The following TMEM67 variants were observed in gnomAD, a reference collection of about 807,000 sequenced individuals.
TMEM67 encodes transmembrane protein 67.
Under a neutral mutation model 136.6 loss-of-function variants are expected in TMEM67, and 124 were observed. The ratio of observed to expected loss-of-function variants is 0.91; its 90% CI spans 0.78 to 1.05. The LOEUF is 1.05. TMEM67 is among the 50% of genes least tolerant of loss of function. TMEM67 has a pLI of 0.00. For missense variants in TMEM67, 1,107 were observed against 1,178.4 expected (o/e 0.94, Z 0.89); for synonymous variants, 364 against 390.5 (o/e 0.93, Z 0.80).
intron 15 of TMEM67, among the ~76,000 whole-genome samples, chr8:93,792,886 C>T (rs1814444900): frequency 6.6e-6 from 1 of 151,716 alleles, no homozygotes; most frequent in Non-Finnish European, 1.5e-5. Context: ...CATTCTCCTG[C>T]CTCAGCCTCC....
At chr8:93,805,315 G>A (rs1815090014) in intron 23 of TMEM67, among the ~76,000 whole-genome samples, 1 of 152,092 alleles carries the variant, frequency 6.6e-6, no homozygotes, top group Admixed American at 6.5e-5. Flanking sequence ...CAGGCATGGT[G>A]GCTCACGCCT....
chr8:93,769,875 C>A (rs933846423), intron 6 of TMEM67, among the ~76,000 whole-genome samples: 1 of 152,160 alleles, frequency 6.6e-6, no homozygotes, highest in Non-Finnish European at 1.5e-5. Context: ...TTGGAAAAGT[C>A]TACTTTGAAC....
intron 23 of TMEM67, among the ~76,000 whole-genome samples, chr8:93,808,518 T>TATAGATATTTATC (rs1808550635): frequency 7.1e-6 from 1 of 140,014 alleles, no homozygotes; most frequent in African/African-American, 2.6e-5. Context: ...ATATATATAT[T>TATAGATATTTATC]TATAATCTAT....
intron 3 of TMEM67, among the ~76,000 whole-genome samples, chr8:93,759,706 A>G (rs1812738580): frequency 6.7e-6 from 1 of 149,808 alleles, no homozygotes; most frequent in Non-Finnish European, 1.5e-5. Flanking sequence ...GCTAGAGTGC[A>G]ATGGTGTGAT....
chr8:93,772,924 G>A (rs1813388878), intron 7 of TMEM67, among the ~76,000 whole-genome samples: 2 of 152,156 alleles, frequency 1.3e-5, no homozygotes, highest in Admixed American at 6.5e-5. Context: ...ATGACCTACT[G>A]TGTGCCGGGC....
At chr8:93,781,487 A>G (rs1813824855) in intron 9 of TMEM67, among the ~76,000 whole-genome samples, 171 bp from the exon 10 acceptor site, 1 of 151,480 alleles carries the variant, frequency 6.6e-6, no homozygotes, top group Non-Finnish European at 1.5e-5. Flanking sequence ...AAACCAGTCT[A>G]ATTCTTTCAG....
chr8:93,825,114 G>A, the TMEM67 span, among the ~76,000 whole-genome samples: 15 of 152,298 alleles, frequency 9.8e-5, no homozygotes, highest in Admixed American at 6.5e-4. Context: ...TTGTTAGCAC[G>A]GTGCCAGGAA....
chr8:93,758,670 G>T, intron 3 of TMEM67, 94 bp downstream of exon 3: 2 of 1,070,714 alleles, frequency 1.9e-6, no homozygotes, highest in Non-Finnish European at 2.9e-6. Context: ...ATAGTTAAGT[G>T]ATTACTTAAT....
At chr8:93,793,412 G>T (rs1814473587) in intron 16 of TMEM67, 116 bp downstream of exon 16, 7 of 837,028 alleles carry the variant, frequency 8.4e-6, no homozygotes, top group Admixed American at 6.0e-5. Context: ...TCTGGGATAT[G>T]TAATTAGGGT....
chr8:93,809,938 G>GA, intron 26 of TMEM67, 51 bp downstream of exon 26: 3 of 1,129,810 alleles, frequency 2.7e-6, no homozygotes, highest in Middle Eastern at 2.1e-4. Flanking sequence ...CAAAGTTTGA[G>GA]AAAAAAGTGC....
At chr8:93,813,833 T>A (rs1808794946) in intron 26 of TMEM67, among the ~76,000 whole-genome samples, 1 of 152,180 alleles carries the variant, frequency 6.6e-6, no homozygotes, top group African/African-American at 2.4e-5. Context: ...TCATATGAAG[T>A]CATTGCTGGA....
In TMEM67 at chr8:93,816,539, A is replaced by G; in HGVS notation, c.*87A>G. The stretch of plus-strand genomic sequence containing the variant: ...AGGTTAGTTTGCCATATTTTTTAAA[A>G]CTTATAATGCAGACTATTCTGTTTT... On this transcript the variant is annotated 3_prime_UTR_variant, in exon 28 of 28. Transcript: ENST00000453321. 1.4e-6 allele frequency: 1 copy of G among 725,544 alleles called. No homozygotes were observed. Among genetic ancestry groups the G allele is most frequent in the Non-Finnish European group, 2.5e-6 (1 of 407,754 alleles). 44.9% of individuals were successfully genotyped at this position (725,544 alleles called of 1,614,324 possible).
chr8:93,767,418 C>G (rs772434780), intron 6 of TMEM67, among the ~76,000 whole-genome samples: 17 of 152,216 alleles, frequency 1.1e-4, no homozygotes, highest in Non-Finnish European at 1.9e-4. Context: ...CACTTCCTCA[C>G]TAACCCTTAA....
intron 6 of TMEM67, among the ~76,000 whole-genome samples, chr8:93,772,054 C>T (rs908770754): frequency 9.2e-5 from 14 of 152,050 alleles, no homozygotes; most frequent in South Asian, 8.3e-4. Flanking sequence ...CCTTCAAAAC[C>T]GATGTAATTG....
chr8:93,823,099 T>A (rs941637426), downstream of TMEM67, among the ~76,000 whole-genome samples: 5 of 152,188 alleles, frequency 3.3e-5, no homozygotes, highest in Non-Finnish European at 5.9e-5. Context: ...ATTGCTTCTG[T>A]AACAAATTAC....
chr8:93,765,759 A>C, intron 6 of TMEM67, 113 bp downstream of exon 6: 1 of 757,688 alleles, frequency 1.3e-6, no homozygotes, highest in East Asian at 2.6e-5. Flanking sequence ...TTTAAAACAG[A>C]AAAAAATCAA....
chr8:93,758,485 A>G lies in TMEM67; in HGVS notation c.315A>G (p.Lys105=). The G allele has an allele frequency of 6.2e-7, 1 of 1,609,824 alleles. No homozygotes were observed. The highest frequency in any genetic ancestry group is 8.5e-7 in the Non-Finnish European group (1 of 1,177,002). The part of the protein sequence containing the change: ...IICKKCPENM[K]GVTEDGWNCI... ...GCATTTTTTTTCTTTTAATTTAGAA[A>G]GGTGTTACAGAAGATGGCTGGAACT... is the stretch of plus-strand genomic sequence containing the variant. The change falls in exon 3 of 28, where the codon AAA becomes AAG. Residue 105 remains lysine (K), a splice_region_variant and synonymous_variant. Coordinates refer to ENST00000453321, the MANE Select transcript of TMEM67 (RefSeq NM_153704.6).
Position 93,817,059 on chromosome 8 carries a change from T to C in TMEM67, c.*607T>C, listed in dbSNP as rs568268659. 5.9e-5 allele frequency: 9 copies of C among 152,464 alleles called. No individual in the cohort carries two copies. The highest frequency in any genetic ancestry group is 2.2e-4 in the African/African-American group (9 of 41,596). 9.4% of individuals were successfully genotyped at this position (152,464 alleles called of 1,614,324 possible). ...ATCTTTTCATTCCTTTGTATACCTG[T>C]ATTAGGTCAGTATACGCTTTCCATG... On this transcript the variant is annotated 3_prime_UTR_variant, in exon 28 of 28. Coordinates refer to ENST00000453321, the MANE Select transcript of TMEM67 (RefSeq NM_153704.6).
intron 20 of TMEM67, among the ~76,000 whole-genome samples, chr8:93,798,017 T>C (rs1184605709): frequency 2.6e-5 from 4 of 152,058 alleles, no homozygotes; most frequent in African/African-American, 9.7e-5. Flanking sequence ...TAGTGTTACG[T>C]ACATTCACAT....
Sources: gnomAD v4.1 joint callset for allele counts (sites outside exome capture counted in the v4.1 genomes callset) on GRCh38, gnomAD v4.1.1 for gene constraint, MANE v1.5 for transcripts, NCBI Gene and HGNC (gene_info 2026-07-23, HGNC 2026-07-21) for gene names.